AGAP1: variants seen among roughly 807,000 people sequenced by gnomAD.
AGAP1 encodes the protein arf-GAP with GTPase, ANK repeat and PH domain-containing protein 1.
In AGAP1, 29 loss-of-function variants were observed where a neutral mutation model predicts 105.3. The ratio of observed to expected loss-of-function variants is 0.28; its 90% CI spans 0.21 to 0.38. The LOEUF is 0.38. AGAP1 is among the 10% of genes least tolerant of loss of function. The pLI is 1.00. For missense variants in AGAP1, 998 were observed against 1,165.1 expected (o/e 0.86, Z 2.09); for synonymous variants, 509 against 485.9 (o/e 1.05, Z -0.63).
rs1181041191 is a variant in AGAP1 at position 236,104,471 on chromosome 2, C to CA, written c.2115-15717dup. Among the ~76,000 whole-genome samples, 4 of 152,254 alleles carry CA rather than the reference C, an allele frequency of 2.6e-5. No homozygotes were observed. Among genetic ancestry groups the CA allele is most frequent in the Non-Finnish European group, 5.9e-5 (4 of 68,038 alleles). ...CAGCACCTGTGCTGTCTGCCCCTCACAAAATCCTTGTCCCTTCTCAGATTC... is the reference window on the plus strand; with the variant it reads ...CAGCACCTGTGCTGTCTGCCCCTCACAAAAATCCTTGTCCCTTCTCAGATTC... On this transcript the variant is annotated intron_variant, in intron 16 of 17. Coordinates refer to ENST00000304032, the MANE Select transcript of AGAP1 (RefSeq NM_001037131.3). The surrounding 1 kb of genome is among the most constrained non-coding windows in gnomAD (Gnocchi z 4.7).
At chr2:236,102,583 G>GT (rs1190502555) in intron 16 of AGAP1, among the ~76,000 whole-genome samples, 3 of 136,014 alleles carry the variant, frequency 2.2e-5, no homozygotes, top group African/African-American at 6.5e-5. Context: ...GTGAGAGACT[G>GT]TTAAAAAAAA....
intron 1 of AGAP1, among the ~76,000 whole-genome samples, chr2:235,588,955 T>C (rs1393081208): frequency 2.0e-5 from 3 of 152,120 alleles, no homozygotes; most frequent in Non-Finnish European, 4.4e-5. Flanking sequence ...CAGCAGTCTG[T>C]ATTTCCCACT....
At chr2:235,513,499 C>A (rs940742784) in intron 1 of AGAP1, among the ~76,000 whole-genome samples, 1 of 120,832 alleles carries the variant, frequency 8.3e-6, no homozygotes, top group East Asian at 2.8e-4. Context: ...CCAGCCTGGG[C>A]GGCAGAGCAA....
intron 15 of AGAP1, among the ~76,000 whole-genome samples, chr2:236,043,443 G>T (rs1188471312): frequency 6.6e-6 from 1 of 152,142 alleles, no homozygotes; most frequent in Non-Finnish European, 1.5e-5. Flanking sequence ...AGACTTAATT[G>T]AGCCTGGGCA....
Position 235,905,947 on chromosome 2 carries a change from T to C in AGAP1, c.1156-2791T>C, listed in dbSNP as rs919898316. On this transcript the variant is annotated intron_variant, in intron 10 of 17. Coordinates refer to ENST00000304032, the MANE Select transcript of AGAP1 (RefSeq NM_001037131.3). The surrounding 1 kb of genome is among the most constrained non-coding windows in gnomAD (Gnocchi z 4.2). The stretch of plus-strand genomic sequence containing the variant: ...TCTTTGGTCTACATCCTCTCAAAGT[T>C]GATTATGTTTTGTGGAGTCCAGCAT... Among the ~76,000 whole-genome samples, 2 of 152,208 alleles carry C rather than the reference T, an allele frequency of 1.3e-5. No individual in the cohort carries two copies. The highest frequency in any genetic ancestry group is 4.8e-5 in the African/African-American group (2 of 41,460).
intron 12 of AGAP1, among the ~76,000 whole-genome samples, chr2:235,946,802 C>G (rs2053521364): frequency 6.6e-6 from 1 of 152,110 alleles, no homozygotes; most frequent in Non-Finnish European, 1.5e-5. Context: ...TCCCGCCCCT[C>G]TGCCCAGCCA....
rs1576158890 is a variant in AGAP1, at chr2:236,045,423, C to A, written c.1892-3636C>A. ...GTGGGGCAGTCACTGCTCTAAGTGC[C>A]TCGTAGCTTTTAATCCTTCTGACAG... On this transcript the variant is annotated intron_variant, in intron 15 of 17. Transcript: ENST00000304032. This position sits in a 1 kb window ranked among gnomAD's most constrained non-coding sequence, Gnocchi z 6.9. Among the ~76,000 whole-genome samples the A allele has an allele frequency of 6.6e-6, 1 of 152,240 alleles. No individual in the cohort carries two copies. The highest frequency in any genetic ancestry group is 1.9e-4 in the East Asian group (1 of 5,194).
intron 1 of AGAP1, among the ~76,000 whole-genome samples, chr2:235,533,824 C>T (rs1429061320): frequency 6.6e-6 from 1 of 152,246 alleles, no homozygotes; most frequent in Non-Finnish European, 1.5e-5. Flanking sequence ...CCCCTCTGTG[C>T]TGCAAGCATC....
rs989351220 is a variant in AGAP1, at chr2:235,728,330, T to C, written c.310+10686T>C. Among the ~76,000 whole-genome samples, 5 of 149,876 alleles carry C rather than the reference T, an allele frequency of 3.3e-5. No homozygotes were observed. Among genetic ancestry groups the C allele is most frequent in the Admixed American group, 2.7e-4 (4 of 15,046 alleles). On this transcript the variant is annotated intron_variant, in intron 3 of 17. Transcript: ENST00000304032. The surrounding 1 kb of genome is among the most constrained non-coding windows in gnomAD (Gnocchi z 4.3). ...GTGTGTGTGTGTGTGTGTGTGTGCG[T>C]GCTCTTAAATCAATGTAAATTAGGC...
intron 12 of AGAP1, among the ~76,000 whole-genome samples, chr2:235,954,977 G>A (rs979113586): frequency 7.9e-5 from 12 of 152,106 alleles, no homozygotes; most frequent in African/African-American, 2.9e-4. Flanking sequence ...TGGCGTGGAG[G>A]GTAGAGTTGC....
chr2:235,966,072 C>T (rs1416041234), intron 12 of AGAP1, among the ~76,000 whole-genome samples: 3 of 139,942 alleles, frequency 2.1e-5, no homozygotes, highest in African/African-American at 8.2e-5. Context: ...GCCCGTTCCT[C>T]TGGGGATGGA....
chr2:235,826,385 T>G (rs186539478), intron 9 of AGAP1, among the ~76,000 whole-genome samples: 3 of 152,204 alleles, frequency 2.0e-5, no homozygotes, highest in African/African-American at 7.2e-5. Context: ...CATTTGCAGG[T>G]TCATTCTTTC....
intron 9 of AGAP1, among the ~76,000 whole-genome samples, chr2:235,856,186 AC>A (rs1226698341): frequency 6.6e-6 from 1 of 152,152 alleles, no homozygotes; most frequent in African/African-American, 2.4e-5. Context: ...TGCTGGGATT[AC>A]AGGCGTGAGC....
In AGAP1 at chr2:236,053,103, G is replaced by A. The variant is rs903304301; in HGVS notation, c.2114+3822G>A. 6.6e-6 allele frequency among the ~76,000 whole-genome samples: 1 copy of A among 152,204 alleles called. No homozygotes were observed. Among genetic ancestry groups the A allele is most frequent in the African/African-American group, 2.4e-5 (1 of 41,452 alleles). On this transcript the variant is annotated intron_variant, in intron 16 of 17. Transcript: ENST00000304032. This position sits in a 1 kb window ranked among gnomAD's most constrained non-coding sequence, Gnocchi z 4.6. ...AGGGCGTCGAGCAGCTGGGCCGGGGGCCACCAGCCAGGCGGGGCTCTGGGT... is the reference window on the plus strand; with the variant it reads ...AGGGCGTCGAGCAGCTGGGCCGGGGACCACCAGCCAGGCGGGGCTCTGGGT...
At chr2:235,544,980 C>T (rs779074405) in intron 1 of AGAP1, among the ~76,000 whole-genome samples, 9 of 152,180 alleles carry the variant, frequency 5.9e-5, no homozygotes, top group Non-Finnish European at 1.2e-4. Context: ...GGTAAGGCGT[C>T]ACTTGACATA....
intron 13 of AGAP1, among the ~76,000 whole-genome samples, chr2:236,013,766 C>T (rs1439028020): frequency 2.6e-5 from 4 of 152,228 alleles, no homozygotes; most frequent in Admixed American, 2.0e-4. Context: ...ATTCCACCTG[C>T]CTGCACGGCA....
Position 236,058,703 on chromosome 2 carries a change from C to T in AGAP1, c.2114+9422C>T, listed in dbSNP as rs1476152327. 6.6e-6 allele frequency among the ~76,000 whole-genome samples: 1 copy of T among 152,150 alleles called. No individual in the cohort carries two copies. The highest frequency in any genetic ancestry group is 1.9e-4 in the East Asian group (1 of 5,204). On this transcript the variant is annotated intron_variant, in intron 16 of 17. Coordinates refer to ENST00000304032, the MANE Select transcript of AGAP1 (RefSeq NM_001037131.3). The surrounding 1 kb of genome is among the most constrained non-coding windows in gnomAD (Gnocchi z 4.6). The stretch of plus-strand genomic sequence containing the variant: ...GTCACCAGATCTGTTCAGCATTATA[C>T]TGGAGGTTCAAGCCAGGGAATTAGG...
Position 235,877,872 on chromosome 2 carries a change from G to A in AGAP1, c.1051-5473G>A, listed in dbSNP as rs1559596999. Among the ~76,000 whole-genome samples, 1 of 152,136 alleles carries A rather than the reference G, an allele frequency of 6.6e-6. No individual in the cohort carries two copies. The highest frequency in any genetic ancestry group is 2.4e-5 in the African/African-American group (1 of 41,434). On this transcript the variant is annotated intron_variant, in intron 9 of 17. Coordinates refer to ENST00000304032, the MANE Select transcript of AGAP1 (RefSeq NM_001037131.3). The surrounding 1 kb of genome is among the most constrained non-coding windows in gnomAD (Gnocchi z 4.3). ...ACACTTTGAGCTGGAAAGTGCTTCCGTCTTTTGCCAACTTAAAATTTGTCC... is the reference window on the plus strand; with the variant it reads ...ACACTTTGAGCTGGAAAGTGCTTCCATCTTTTGCCAACTTAAAATTTGTCC...
At chr2:235,828,534 G>A (rs899191600) in intron 9 of AGAP1, among the ~76,000 whole-genome samples, 3 of 152,122 alleles carry the variant, frequency 2.0e-5, no homozygotes, top group African/African-American at 4.8e-5. Flanking sequence ...TCTATGAGAA[G>A]GCAGAAAATA....
Sources: allele counts gnomAD v4.1 joint callset (sites outside exome capture counted in the v4.1 genomes callset), GRCh38; gene constraint gnomAD v4.1.1; non-coding constraint Gnocchi (gnomAD v3.1); transcripts MANE v1.5; gene names NCBI Gene and HGNC (gene_info 2026-07-23, HGNC 2026-07-21).